Variants in CNTNAP2 observed in about 807,000 individuals in gnomAD.
CNTNAP2 encodes contactin associated protein 2.
Under a neutral mutation model 155.2 loss-of-function variants are expected in CNTNAP2, and 98 were observed. The ratio of observed to expected loss-of-function variants is 0.63; its 90% confidence interval spans 0.54 to 0.75. The LOEUF (loss-of-function observed/expected upper bound fraction) is 0.75. CNTNAP2 is among the 30% of genes least tolerant of loss of function. The pLI, the probability that CNTNAP2 is intolerant of heterozygous loss-of-function variation, is 0.00. For synonymous variants in CNTNAP2, 651 were observed against 631.2 expected (o/e 1.03, Z -0.47); for missense variants, 1,727 against 1,688.1 (o/e 1.02, Z -0.40).
intron 13 of CNTNAP2, among the ~76,000 whole-genome samples, chr7:147,701,909 A>G (rs956992580): frequency 5.5e-4 from 84 of 152,284 alleles, no homozygotes; most frequent in African/African-American, 2.0e-3. Flanking sequence ...TTAGAGACAC[A>G]GTATACCTAA....
chr7:147,087,664 C>T (rs1224554745), intron 4 of CNTNAP2, among the ~76,000 whole-genome samples: 2 of 152,078 alleles, frequency 1.3e-5, no homozygotes, highest in East Asian at 1.9e-4. Flanking sequence ...ACAATGGTTG[C>T]TTCTACTTTA....
chr7:147,701,768 A>G (rs1419701154), intron 13 of CNTNAP2, among the ~76,000 whole-genome samples: 1 of 152,196 alleles, frequency 6.6e-6, no homozygotes, highest in Non-Finnish European at 1.5e-5. Context: ...CACAGAGCAC[A>G]TATCAGAAAA....
chr7:146,840,036 T>C lies in CNTNAP2; in HGVS notation c.402+132T>C, dbSNP rs6953511. The stretch of plus-strand genomic sequence containing the variant: ...TCATTGGGAAACTATTTATTCATCA[T>C]TGTTGATGGAAGAAAGTTTCTTCAG... On this transcript the variant is annotated intron_variant, in intron 3 of 23. Coordinates refer to ENST00000361727, the MANE Select transcript of CNTNAP2 (RefSeq NM_014141.6). The C allele has an allele frequency of 4.7e-3, 5,172 of 1,097,118 alleles. 162 individuals are homozygous for C. In the African/African-American group the frequency reaches 0.073, roughly 15 times the overall value. The allele number at this position is 1,097,118 out of a possible 1,614,324, so 68.0% of individuals were successfully genotyped here.
chr7:147,309,391 T>C (rs1795084029), intron 9 of CNTNAP2, among the ~76,000 whole-genome samples: 1 of 152,234 alleles, frequency 6.6e-6, no homozygotes, highest in Non-Finnish European at 1.5e-5. Context: ...TAGCAATTTC[T>C]GTAAGTTGTT....
At chr7:147,082,943 T>C (rs1225886514) in intron 4 of CNTNAP2, 1 of 152,090 alleles carries the variant, frequency 6.6e-6, no homozygotes, top group East Asian at 1.9e-4. Flanking sequence ...CACACTGCAA[T>C]TTCCAGAGGC....
intron 13 of CNTNAP2, among the ~76,000 whole-genome samples, chr7:147,768,537 C>CT (rs887361323): frequency 2.0e-5 from 3 of 152,018 alleles, no homozygotes; most frequent in African/African-American, 7.2e-5. Flanking sequence ...TCTTTCTGAA[C>CT]TTTTGTCATT....
chr7:147,833,793 G>T (rs938383240), intron 13 of CNTNAP2, among the ~76,000 whole-genome samples: 9 of 152,200 alleles, frequency 5.9e-5, no homozygotes, highest in African/African-American at 1.4e-4. Context: ...TTAGGCAAGG[G>T]GTTCTGGGAA....
At chr7:148,332,141 T>G (rs2116564412) in intron 21 of CNTNAP2, among the ~76,000 whole-genome samples, 1 of 132,786 alleles carries the variant, frequency 7.5e-6, no homozygotes, top group African/African-American at 2.8e-5. Context: ...TTTTACCTGG[T>G]AAAATCATGA....
At chr7:147,906,036 T>C (rs1218608728) in intron 14 of CNTNAP2, among the ~76,000 whole-genome samples, 1 of 152,088 alleles carries the variant, frequency 6.6e-6, no homozygotes, top group Non-Finnish European at 1.5e-5. Flanking sequence ...CCTGGGACAC[T>C]CGCCCTTGCA....
chr7:146,973,116 C>T (rs899997583), intron 3 of CNTNAP2, among the ~76,000 whole-genome samples: 1 of 152,178 alleles, frequency 6.6e-6, no homozygotes, highest in African/African-American at 2.4e-5. Context: ...GCAACATCTG[C>T]CTCCCAGGTT....
chr7:146,614,534 G>A (rs1253222875), intron 1 of CNTNAP2, among the ~76,000 whole-genome samples: 1 of 152,104 alleles, frequency 6.6e-6, no homozygotes, highest in Non-Finnish European at 1.5e-5. Context: ...GCAGTGTTTG[G>A]GGAAAAGGGC....
intron 1 of CNTNAP2, among the ~76,000 whole-genome samples, chr7:146,568,804 A>C (rs1798396387): frequency 6.6e-6 from 1 of 152,146 alleles, no homozygotes; most frequent in Non-Finnish European, 1.5e-5. Flanking sequence ...CTTGTGTTTG[A>C]AACCTGGTTC....
chr7:147,224,347 C>T (rs1803475233), intron 8 of CNTNAP2, among the ~76,000 whole-genome samples: 1 of 152,100 alleles, frequency 6.6e-6, no homozygotes, highest in African/African-American at 2.4e-5. Flanking sequence ...TATATTCTGA[C>T]ATATGAAAGC....
chr7:146,648,926 A>C (rs1243924422), intron 1 of CNTNAP2, among the ~76,000 whole-genome samples: 1 of 152,134 alleles, frequency 6.6e-6, no homozygotes, highest in Non-Finnish European at 1.5e-5. Flanking sequence ...AATCATATTA[A>C]ATCTAATTGT....
intron 1 of CNTNAP2, among the ~76,000 whole-genome samples, chr7:146,630,933 T>C (rs1023426519): frequency 1.3e-5 from 2 of 151,828 alleles, no homozygotes; most frequent in African/African-American, 2.4e-5. Context: ...GGAAAAAAAA[T>C]CCATGCTCAT....
At chr7:147,903,910 G>A (rs1034225856) in intron 14 of CNTNAP2, among the ~76,000 whole-genome samples, 189 bp downstream of exon 14, 5 of 152,192 alleles carry the variant, frequency 3.3e-5, no homozygotes, top group Non-Finnish European at 4.4e-5. Context: ...AGGTCAGTGC[G>A]ACAAGGGTAT....
chr7:147,955,344 C>T (rs1435386537), intron 14 of CNTNAP2, among the ~76,000 whole-genome samples: 2 of 152,112 alleles, frequency 1.3e-5, no homozygotes, highest in South Asian at 2.1e-4. Flanking sequence ...TTTAAGACAA[C>T]ATTAAAAACC....
intron 1 of CNTNAP2, among the ~76,000 whole-genome samples, chr7:146,579,896 C>T (rs533825775): frequency 3.9e-5 from 6 of 152,054 alleles, no homozygotes; most frequent in Admixed American, 2.0e-4. Context: ...CACTTTTAAC[C>T]CACGTTCTCT....
intron 3 of CNTNAP2, among the ~76,000 whole-genome samples, chr7:147,023,622 G>C (rs1798852517): frequency 6.6e-6 from 1 of 151,982 alleles, no homozygotes; most frequent in Admixed American, 6.6e-5. Flanking sequence ...TAATTTCTTG[G>C]CATCATGAAC....
Sources: allele counts gnomAD v4.1 joint callset (sites outside exome capture counted in the v4.1 genomes callset), GRCh38; gene constraint gnomAD v4.1.1; transcripts MANE v1.5; gene names NCBI Gene and HGNC (gene_info 2026-07-23, HGNC 2026-07-21).